Variants in SORL1 observed in about 807,000 individuals in gnomAD.
SORL1 encodes the protein sortilin-related receptor.
A neutral mutation model predicts 273.7 loss-of-function variants in SORL1; 127 were observed. The ratio of observed to expected loss-of-function variants is 0.46; its 90% CI spans 0.40 to 0.54. The LOEUF is 0.54. Ranked by LOEUF, SORL1 falls within the 20% of genes least tolerant of loss-of-function variation. The pLI is 0.00. For synonymous variants in SORL1, 1,031 were observed against 1,067.4 expected, an observed-to-expected ratio of 0.97 and a Z score of 0.66; for missense variants, 2,494 against 2,846.1, an observed-to-expected ratio of 0.88 and a Z score of 2.81.
rs1328903734 is a variant in SORL1, at chr11:121,607,290, A to G, written c.5166A>G (p.Arg1722=). The G allele has an allele frequency of 6.5e-7, 1 of 1,545,210 alleles. No homozygotes were observed. Residue 1722 remains arginine, a splice_region_variant and synonymous_variant, in exon 37 of 48, where the codon AGA becomes AGG. Transcript: ENST00000260197. ...NLLVNTLYTV[R]VAAVTSRGIG... Reference sequence around the variant, plus strand: ...TGGTCAACACTCTATACACCGTCAGAGTGAGTGTCGTCATCCATTCCAGCC... The same window carrying G: ...TGGTCAACACTCTATACACCGTCAGGGTGAGTGTCGTCATCCATTCCAGCC...
At chr11:121,604,105 C>G (rs1863431412) in intron 32 of SORL1, 88 bp from the exon 33 acceptor site, 4 of 1,507,452 alleles carry the variant, frequency 2.7e-6, no homozygotes, top group African/African-American at 1.4e-5. Flanking sequence ...CCAATTAGTA[C>G]TTTGCCTAAA....
At position 121,627,920 on chromosome 11, in the gene SORL1, C is replaced by T. The variant is rs1332345913; in HGVS notation, c.6577+153C>T. 6.6e-6 allele frequency among the ~76,000 whole-genome samples: 1 copy of T among 152,180 alleles called. No individual in the cohort carries two copies. Among genetic ancestry groups the T allele is most frequent in the African/African-American group, 2.4e-5 (1 of 41,430 alleles). On this transcript the variant is annotated intron_variant, in intron 47 of 47. Transcript: ENST00000260197. The surrounding 1 kb of genome is among the most constrained non-coding windows in gnomAD (Gnocchi z 4.9). ...TTTGATTCCATGAGTTTTGGTTAAA[C>T]CATTCAGAGCCCTCACTTTTTAACT...
intron 21 of SORL1, 27 bp from the exon 22 acceptor site, chr11:121,566,913 A>G (rs1380736312): frequency 1.2e-6 from 2 of 1,604,462 alleles, no homozygotes; most frequent in Admixed American, 1.7e-5. Context: ...GTATTAACCT[A>G]CCTGCTGCTG....
At chr11:121,476,774 C>CCCTCCCTCCCTTCCTTCCTCCCTT (rs1403897895) in intron 2 of SORL1, among the ~76,000 whole-genome samples, 2 of 134,334 alleles carry the variant, frequency 1.5e-5, no homozygotes. Context: ...CTCCCTCCCT[C>CCCTCCCTCCCTTCCTTCCTCCCTT]CCTCCCTCCC....
intron 23 of SORL1, among the ~76,000 whole-genome samples, chr11:121,572,407 C>T (rs904542716): frequency 2.0e-5 from 3 of 152,160 alleles, no homozygotes; most frequent in South Asian, 2.1e-4. Context: ...CCAGAGACCC[C>T]GAGACCTACT....
intron 24 of SORL1, among the ~76,000 whole-genome samples, chr11:121,575,784 C>T (rs1243426542): frequency 6.6e-6 from 1 of 152,202 alleles, no homozygotes; most frequent in Non-Finnish European, 1.5e-5. Context: ...AAATGTGTAG[C>T]TAGTTTTGCC....
chr11:121,462,084 G>C (rs1483019737), intron 1 of SORL1, among the ~76,000 whole-genome samples: 1 of 152,168 alleles, frequency 6.6e-6, no homozygotes, highest in African/African-American at 2.4e-5. Flanking sequence ...AAACCGGAGA[G>C]AACAAGACTC....
chr11:121,627,948 T>C lies in SORL1; in HGVS notation c.6577+181T>C, dbSNP rs756243200. Among the ~76,000 whole-genome samples, 14 of 152,204 alleles carry C rather than the reference T, an allele frequency of 9.2e-5. No homozygotes were observed. Among genetic ancestry groups the C allele is most frequent in the Non-Finnish European group, 1.2e-4 (8 of 68,036 alleles). Reference sequence around the variant, plus strand: ...TTCAGAGCCCTCACTTTTTAACTTTTAAGTTAAATTAAAATGTTGTATTCT... The same window carrying C: ...TTCAGAGCCCTCACTTTTTAACTTTCAAGTTAAATTAAAATGTTGTATTCT... On this transcript the variant is annotated intron_variant, in intron 47 of 47. Transcript: ENST00000260197. This position sits in a 1 kb window ranked among gnomAD's most constrained non-coding sequence, Gnocchi z 4.9.
At chr11:121,600,935 G>A (rs1863379434) in intron 32 of SORL1, among the ~76,000 whole-genome samples, 1 of 151,634 alleles carries the variant, frequency 6.6e-6, no homozygotes, top group Non-Finnish European at 1.5e-5. Context: ...TAGGGTACAT[G>A]TGCACATTGT....
chr11:121,602,277 C>T (rs1169569957), intron 32 of SORL1, among the ~76,000 whole-genome samples: 1 of 152,166 alleles, frequency 6.6e-6, no homozygotes, highest in Non-Finnish European at 1.5e-5. Context: ...TGTGAAAAGC[C>T]TCATAAGTGG....
At chr11:121,612,594 T>A in intron 39 of SORL1, 142 bp from the exon 40 acceptor site, 2 of 607,774 alleles carry the variant, frequency 3.3e-6, no homozygotes, top group South Asian at 4.2e-5. Context: ...CTGTTTAAAA[T>A]TTTTAAAAAA....
rs1273290342 is a variant in SORL1 at position 121,595,321 on chromosome 11, G to A, written c.4370-302G>A. On this transcript the variant is annotated intron_variant, in intron 31 of 47. Coordinates refer to ENST00000260197, the MANE Select transcript of SORL1 (RefSeq NM_003105.6). This position sits in a 1 kb window ranked among gnomAD's most constrained non-coding sequence, Gnocchi z 5.1. ...CGGCTTAGGGTAGGACGCAGCCTTC[G>A]CTGGCCTCTTTAGTCACATACCGCT... Among the ~76,000 whole-genome samples the A allele has an allele frequency of 2.6e-5, 4 of 152,174 alleles. No homozygotes were observed. Among genetic ancestry groups the A allele is most frequent in the South Asian group, 2.1e-4 (1 of 4,830 alleles).
At chr11:121,620,549 C>T (rs11828225) in intron 43 of SORL1, among the ~76,000 whole-genome samples, 13,053 of 152,258 alleles carry the variant, frequency 0.086, 1,265 homozygotes, top group African/African-American at 0.24. Flanking sequence ...ATACTCCTCT[C>T]AACTCTCCAC....
rs1261658816 is a variant in SORL1, at chr11:121,557,416, C to T, written c.2663+11C>T. 6.3e-7 allele frequency: 1 copy of T among 1,597,154 alleles called. No homozygotes were observed. Among genetic ancestry groups the T allele is most frequent in the Admixed American group, 1.7e-5 (1 of 59,996 alleles). ...CGTGCCCCAAGAGGGGTAAGTGTTG[C>T]CCCAAAAGGAAATCAGTCTTGCGTC... On this transcript the variant is annotated intron_variant, in intron 19 of 47. Transcript: ENST00000260197.
chr11:121,623,348 A>G (rs1472083519), intron 45 of SORL1, among the ~76,000 whole-genome samples: 2 of 152,202 alleles, frequency 1.3e-5, no homozygotes, highest in African/African-American at 4.8e-5. Context: ...GTTCAAACTC[A>G]AGTAAGGTTC....
intron 25 of SORL1, among the ~76,000 whole-genome samples, chr11:121,579,854 GA>G (rs1159965677): frequency 6.6e-6 from 1 of 152,166 alleles, no homozygotes; most frequent in Admixed American, 6.5e-5. Flanking sequence ...TTTGCAGCAG[GA>G]GTCTATGAGT....
chr11:121,574,217 T>C (rs1329743308), intron 23 of SORL1, 24 bp from the exon 24 acceptor site: 1 of 1,612,270 alleles, frequency 6.2e-7, no homozygotes. Context: ...CTAAGGAATA[T>C]GTTGTCTTTC....
rs377593494 is a variant in SORL1 at position 121,502,288 on chromosome 11, G to A, written c.939+5239G>A. ...GTAGCTGGGACTACAGGTGCCCGCC[G>A]CCACACCTGGCTAATTTTTTGTATT... On this transcript the variant is annotated intron_variant, in intron 6 of 47. Coordinates refer to ENST00000260197, the MANE Select transcript of SORL1 (RefSeq NM_003105.6). Among the ~76,000 whole-genome samples, 145 of 151,164 alleles carry A rather than the reference G, an allele frequency of 9.6e-4. 1 individual carries two copies. Among genetic ancestry groups the A allele is most frequent in the African/African-American group, 3.2e-3 (130 of 41,212 alleles).
chr11:121,614,745 AC>A (rs1863614694), intron 40 of SORL1, 125 bp from the exon 41 acceptor site: 1 of 730,128 alleles, frequency 1.4e-6, no homozygotes, highest in South Asian at 1.6e-5. Flanking sequence ...TGACAGTCCT[AC>A]AGCACATGGG....
Sources: gnomAD v4.1 joint callset for allele counts (sites outside exome capture counted in the v4.1 genomes callset) on GRCh38, gnomAD v4.1.1 for gene constraint, Gnocchi (gnomAD v3.1) non-coding constraint, MANE v1.5 for transcripts, NCBI Gene and HGNC (gene_info 2026-07-23, HGNC 2026-07-21) for gene names.